Variants in PKP2 observed in about 807,000 individuals in gnomAD.
PKP2 encodes plakophilin 2.
A neutral mutation model predicts 83.4 loss-of-function variants in PKP2; 73 were observed. That is an observed-to-expected ratio of 0.88 (90% confidence interval 0.72 to 1.06). The LOEUF (loss-of-function observed/expected upper bound fraction) is 1.06, where lower values mean the gene tolerates loss of function less well. Among genes scored for constraint, PKP2 ranks in the 50% least tolerant of loss-of-function variants. The pLI, the probability that PKP2 is intolerant of heterozygous loss-of-function variation, is 0.00. For synonymous variants in PKP2, 409 were observed against 430.4 expected (o/e 0.95, Z 0.62); for missense variants, 966 against 1,065.4 (o/e 0.91, Z 1.30).
chr12:32,849,023 A>C (rs61505576), intron 5 of PKP2, among the ~76,000 whole-genome samples: 15 of 151,848 alleles, frequency 9.9e-5, no homozygotes, highest in African/African-American at 2.7e-4. Flanking sequence ...AAAAAAAAAA[A>C]ACCTCTTCTA....
At chr12:32,876,819 T>C (rs1228198297) in intron 3 of PKP2, among the ~76,000 whole-genome samples, 1 of 152,222 alleles carries the variant, frequency 6.6e-6, no homozygotes, top group Non-Finnish European at 1.5e-5. Context: ...CCTGGGCCAC[T>C]GCTCCCGGCT....
chr12:32,832,471 T>C lies in PKP2; in HGVS notation c.1557-8309A>G, dbSNP rs183632069. Among the ~76,000 whole-genome samples the C allele has an allele frequency of 7.5e-4, 115 of 152,342 alleles. 1 individual carries two copies. Among genetic ancestry groups the C allele is most frequent in the African/African-American group, 2.3e-3 (97 of 41,584 alleles). On this transcript the variant is annotated intron_variant, in intron 6 of 12. Transcript: ENST00000340811. Reference sequence around the variant, plus strand: ...AAGTAACCAACAGAAAATATGGTTATGACTGGTTATGATAGTATAACATTA... The same window carrying C: ...AAGTAACCAACAGAAAATATGGTTACGACTGGTTATGATAGTATAACATTA...
intron 9 of PKP2, among the ~76,000 whole-genome samples, chr12:32,804,400 A>C (rs11052250): frequency 0.2 from 29,713 of 152,072 alleles, 3,583 homozygotes; most frequent in East Asian, 0.56. Context: ...CAGATCATCC[A>C]ATCACCTAGG....
intron 1 of PKP2, among the ~76,000 whole-genome samples, chr12:32,890,727 G>C (rs1330923890): frequency 6.6e-6 from 1 of 152,150 alleles, no homozygotes; most frequent in East Asian, 1.9e-4. Flanking sequence ...GGGAGGCAGA[G>C]GTGGGCGGAT....
chr12:32,835,069 T>G (rs1224742676), intron 6 of PKP2, among the ~76,000 whole-genome samples: 1 of 151,582 alleles, frequency 6.6e-6, no homozygotes, highest in Non-Finnish European at 1.5e-5. Flanking sequence ...TTTCTTTTTT[T>G]TTGAAGTAGA....
At chr12:32,808,911 T>C (rs894079913) in intron 9 of PKP2, among the ~76,000 whole-genome samples, 2 of 152,132 alleles carry the variant, frequency 1.3e-5, no homozygotes, top group Admixed American at 1.3e-4. Flanking sequence ...GGACACTCCA[T>C]CCCAGGGTGG....
At chr12:32,838,044 G>A (rs908043552) in intron 6 of PKP2, among the ~76,000 whole-genome samples, 3 of 152,126 alleles carry the variant, frequency 2.0e-5, no homozygotes, top group African/African-American at 4.8e-5. Flanking sequence ...CATGTTCATC[G>A]CAGGACTGTT....
intron 9 of PKP2, among the ~76,000 whole-genome samples, chr12:32,805,707 A>G (rs151078541): frequency 6.6e-6 from 1 of 152,322 alleles, no homozygotes; most frequent in African/African-American, 2.4e-5. Context: ...TGGTTATGGT[A>G]GCCCTGTAAC....
Position 32,834,775 on chromosome 12 carries a change from T to C in PKP2, c.1556+6253A>G, listed in dbSNP as rs1392187891. Among the ~76,000 whole-genome samples the C allele has an allele frequency of 2.0e-5, 3 of 152,138 alleles. No homozygotes were observed. The East Asian group carries it at 5.8e-4, about 29-fold the overall frequency. The stretch of plus-strand genomic sequence containing the variant: ...CTATAAGAATAATATGCAGAAATGA[T>C]GATAAAACTTTGGCAGCAATTTCAG... On this transcript the variant is annotated intron_variant, in intron 6 of 12. Transcript: ENST00000340811.
At position 32,796,295 on chromosome 12, in the gene PKP2, T is replaced by G. The variant is rs201487421; in HGVS notation, c.2171A>C (p.Lys724Thr). The G allele has an allele frequency of 7.6e-5, 123 of 1,610,404 alleles. 1 individual carries two copies. The East Asian group carries it at 2.8e-3, about 36-fold the overall frequency. The change falls in exon 11 of 13, where the codon AAA becomes ACA. Residue 724 changes from lysine to threonine, a missense_variant. Transcript: ENST00000340811. ...GGAAACCAAATCAGGGAGAGTTTCT[T>G]TGGCTACAAAATGAAAAAAAAAACA... Reference protein sequence around the residue: ...RNLSLQNEIAKETLPDLVSII... With the variant: ...RNLSLQNEIATETLPDLVSII...
intron 9 of PKP2, among the ~76,000 whole-genome samples, chr12:32,814,991 A>G (rs147325518): frequency 7.0e-4 from 106 of 152,162 alleles, no homozygotes; most frequent in African/African-American, 2.4e-3. Flanking sequence ...CTCACCCATC[A>G]AAACTGCAAT....
intron 3 of PKP2, among the ~76,000 whole-genome samples, chr12:32,874,725 A>G (rs1956918805): frequency 6.6e-6 from 1 of 152,076 alleles, no homozygotes; most frequent in African/African-American, 2.4e-5. Flanking sequence ...CCTTCCTTTA[A>G]TTCCTTCACT....
intron 4 of PKP2, among the ~76,000 whole-genome samples, chr12:32,865,236 G>T (rs908407770): frequency 6.6e-6 from 1 of 151,906 alleles, no homozygotes; most frequent in African/African-American, 2.4e-5. Context: ...TTAGCCGGGT[G>T]TGGTGGCAGT....
rs1555143127 is a variant in PKP2 at position 32,824,075 on chromosome 12, T to A, written c.1644A>T (p.Gly548=). The A allele has an allele frequency of 6.2e-7, 1 of 1,606,390 alleles. No homozygotes were observed. Among genetic ancestry groups the A allele is most frequent in the East Asian group, 2.2e-5 (1 of 44,852 alleles). Residue 548 remains glycine, a synonymous_variant, in exon 7 of 13, where the codon GGA becomes GGT. Coordinates refer to ENST00000340811, the MANE Select transcript of PKP2 (RefSeq NM_001005242.3). ...LIDSLVHYVR[G]TIADYQPDDK... ...CATCTGGCTGGTAATCTGCAATGGT[T>A]CCTCTGACATAATGGACCAGTGAGT... is the stretch of plus-strand genomic sequence containing the variant.
chr12:32,841,981 C>A (rs994208443), intron 5 of PKP2, among the ~76,000 whole-genome samples: 1 of 152,108 alleles, frequency 6.6e-6, no homozygotes, highest in Non-Finnish European at 1.5e-5. Context: ...TCTTGAATCC[C>A]CCATATTAAA....
In PKP2 at chr12:32,822,580, C is replaced by A. The variant is rs1956391930; in HGVS notation, c.1726G>T (p.Ala576Ser). 1 of 1,613,912 alleles carries A rather than the reference C, an allele frequency of 6.2e-7. No individual in the cohort carries two copies. Among genetic ancestry groups the A allele is most frequent in the South Asian group, 1.1e-5 (1 of 91,086 alleles). ...ILHNLSYQLEAELPEKYSQNI... is the reference protein window; with the variant it reads ...ILHNLSYQLESELPEKYSQNI... Reference sequence around the variant, plus strand: ...TGGGAATATTTCTCTGGGAGCTCTGCCTCCAGCTGGTAGGAGAGGTTATGA... The same window carrying A: ...TGGGAATATTTCTCTGGGAGCTCTGACTCCAGCTGGTAGGAGAGGTTATGA... The change falls in exon 8 of 13, where the codon GCA becomes TCA. Residue 576 changes from alanine (A) to serine (S), a missense_variant. Transcript: ENST00000340811.
intron 5 of PKP2, among the ~76,000 whole-genome samples, chr12:32,844,773 T>C (rs570885901): frequency 6.6e-6 from 1 of 152,192 alleles, no homozygotes; most frequent in Admixed American, 6.5e-5. Context: ...ATGAGCCCAG[T>C]GACAAAACAG....
chr12:32,893,819 C>T (rs1957096275), intron 1 of PKP2: 1 of 151,738 alleles, frequency 6.6e-6, no homozygotes, highest in South Asian at 2.1e-4. Flanking sequence ...AATGATCTTT[C>T]TCCAGTCACC....
In PKP2 at chr12:32,841,011, G is replaced by C. The variant is rs753732310; in HGVS notation, c.1556+17C>G. On this transcript the variant is annotated intron_variant, in intron 6 of 12. Transcript: ENST00000340811. Reference sequence around the variant, plus strand: ...TTTATTGCATCTTCTATCAGGGCAGGGTACAGGTAGCATTACCTTAGGCAT... The same window carrying C: ...TTTATTGCATCTTCTATCAGGGCAGCGTACAGGTAGCATTACCTTAGGCAT... 12 of 1,601,962 alleles carry C rather than the reference G, an allele frequency of 7.5e-6. No individual in the cohort carries two copies. The highest frequency in any genetic ancestry group is 1.0e-5 in the Non-Finnish European group (12 of 1,170,756).
Sources: gnomAD v4.1 joint callset for allele counts (sites outside exome capture counted in the v4.1 genomes callset) on GRCh38, gnomAD v4.1.1 for gene constraint, MANE v1.5 for transcripts, NCBI Gene and HGNC (gene_info 2026-07-23, HGNC 2026-07-21) for gene names.